TENM3: variants seen among roughly 807,000 people sequenced by gnomAD.
The protein encoded by TENM3 is teneurin transmembrane protein 3, also known as teneurin-3.
Under a neutral mutation model 255.1 loss-of-function variants are expected in TENM3, and 63 were observed. The ratio of observed to expected loss-of-function variants is 0.25; its 90% CI spans 0.20 to 0.30. TENM3 has a LOEUF of 0.30. Ranked by LOEUF, TENM3 falls within the 10% of genes least tolerant of loss-of-function variation. TENM3 has a pLI of 1.00. For missense variants in TENM3, 2,929 were observed against 3,461.1 expected (o/e 0.85, Z 3.86); for synonymous variants, 1,306 against 1,322.3 (o/e 0.99, Z 0.27).
chr4:181,964,148 C>T, the TENM3 span, among the ~76,000 whole-genome samples: 3 of 148,512 alleles, frequency 2.0e-5, no homozygotes, highest in Middle Eastern at 3.6e-3. Flanking sequence ...AAAAAATAGA[C>T]TGATTAGGGC....
chr4:182,739,929 G>A (rs778639288), intron 18 of TENM3, among the ~76,000 whole-genome samples: 7 of 152,082 alleles, frequency 4.6e-5, no homozygotes, highest in African/African-American at 1.4e-4. Flanking sequence ...CCAGCAACTC[G>A]GGAGGCTGAG....
At chr4:182,741,479 T>C (rs568670484) in intron 18 of TENM3, among the ~76,000 whole-genome samples, 1 of 152,332 alleles carries the variant, frequency 6.6e-6, no homozygotes, top group African/African-American at 2.4e-5. Context: ...TCTGTCATCA[T>C]AGAGAAGAAG....
the TENM3 span, among the ~76,000 whole-genome samples, chr4:182,094,953 A>AG: frequency 4.2e-5 from 6 of 142,208 alleles, no homozygotes; most frequent in South Asian, 6.6e-4. Flanking sequence ...AAAAAAAAAA[A>AG]AAAGGAAATT....
the TENM3 span, among the ~76,000 whole-genome samples, chr4:182,065,367 A>T: frequency 6.6e-6 from 1 of 152,208 alleles, no homozygotes; most frequent in Non-Finnish European, 1.5e-5. Context: ...AAGAGGTTTA[A>T]TTGGATCACC....
intron 3 of TENM3, among the ~76,000 whole-genome samples, chr4:182,520,240 A>G (rs776281381): frequency 2.6e-5 from 4 of 152,218 alleles, no homozygotes; most frequent in Non-Finnish European, 4.4e-5. Flanking sequence ...GAGCAAGGTC[A>G]TAAGATACAA....
chr4:182,224,737 CTTTT>C (rs112818920), intron 1 of TENM3, among the ~76,000 whole-genome samples: 2 of 137,478 alleles, frequency 1.5e-5, no homozygotes, highest in Admixed American at 7.4e-5. Context: ...AGTCAGATAT[CTTTT>C]TTTTTTTTTT....
chr4:182,087,345 A>C, the TENM3 span, among the ~76,000 whole-genome samples: 1 of 152,208 alleles, frequency 6.6e-6, no homozygotes. Context: ...TTTAAAACTG[A>C]AATAATAAAC....
the TENM3 span, among the ~76,000 whole-genome samples, chr4:182,100,624 C>CACATATATAT: frequency 1.9e-5 from 1 of 52,980 alleles, no homozygotes; most frequent in African/African-American, 5.5e-5. Context: ...TATATATACA[C>CACATATATAT]ACACATATAT....
chr4:181,874,969 T>C, the TENM3 span, among the ~76,000 whole-genome samples: 5 of 152,364 alleles, frequency 3.3e-5, no homozygotes, highest in South Asian at 2.1e-4. Context: ...TTATTGTATA[T>C]ATCGTGTCCA....
chr4:182,735,355 C>T (rs764222424), intron 16 of TENM3, among the ~76,000 whole-genome samples: 2 of 152,152 alleles, frequency 1.3e-5, no homozygotes, highest in East Asian at 1.9e-4. Context: ...AAGCTTCCTT[C>T]GTCCATTCAT....
chr4:182,701,500 G>A (rs1478268567), intron 12 of TENM3, among the ~76,000 whole-genome samples: 1 of 151,914 alleles, frequency 6.6e-6, no homozygotes, highest in Non-Finnish European at 1.5e-5. Context: ...GATTACAGGC[G>A]TGAGCCACTG....
chr4:181,788,827 G>A, the TENM3 span, among the ~76,000 whole-genome samples: 18 of 152,226 alleles, frequency 1.2e-4, no homozygotes, highest in Middle Eastern at 0.01. Context: ...CAAGCTGTTG[G>A]CCTCAAGCAA....
chr4:181,706,341 G>A, the TENM3 span, among the ~76,000 whole-genome samples: 61 of 152,244 alleles, frequency 4.0e-4, 1 homozygote, highest in Non-Finnish European at 1.0e-4. Context: ...ATCCAGGGGC[G>A]GTGGGTGCTA....
Position 182,524,352 on chromosome 4 carries a change from CTTTTTTTT to C in TENM3, c.512-76552_512-76545del, listed in dbSNP as rs138783384. ...GTTAATATACCTCCACACTGATGAG[CTTTTTTTT>C]TTTTTTTTTTTTTTTTTTTGAGTCA... is the stretch of plus-strand genomic sequence containing the variant. On this transcript the variant is annotated intron_variant, in intron 3 of 27. Transcript: ENST00000511685. Among the ~76,000 whole-genome samples the C allele has an allele frequency of 1.0e-4, 6 of 59,472 alleles. No homozygotes were observed. The East Asian group carries it at 2.6e-3, about 26-fold the overall frequency. 39.0% of individuals were successfully genotyped at this position (59,472 alleles called of 152,430 possible).
chr4:182,128,347 T>G, the TENM3 span, among the ~76,000 whole-genome samples: 1 of 152,072 alleles, frequency 6.6e-6, no homozygotes, highest in Non-Finnish European at 1.5e-5. Context: ...TCTTTTCTTA[T>G]TTTTTACTTT....
chr4:182,549,711 ATTC>A (rs1741818225), intron 3 of TENM3, among the ~76,000 whole-genome samples: 1 of 152,166 alleles, frequency 6.6e-6, no homozygotes, highest in Admixed American at 6.5e-5. Context: ...AATATCATGC[ATTC>A]TTCTTTAGAA....
chr4:182,227,344 G>T (rs545727905), intron 1 of TENM3, among the ~76,000 whole-genome samples: 10 of 152,148 alleles, frequency 6.6e-5, no homozygotes, highest in African/African-American at 2.4e-4. Flanking sequence ...TAGCCATAGG[G>T]TCCCTGTGAC....
At chr4:181,569,023 T>C in the TENM3 span, among the ~76,000 whole-genome samples, 4 of 152,130 alleles carry the variant, frequency 2.6e-5, no homozygotes, top group Non-Finnish European at 5.9e-5. Context: ...TGCAGAGTAA[T>C]AGCAAGGAGA....
chr4:181,525,655 T>C, the TENM3 span, among the ~76,000 whole-genome samples: 11 of 152,306 alleles, frequency 7.2e-5, no homozygotes, highest in East Asian at 2.1e-3. Context: ...TGTTTTTTTG[T>C]TTTTGTATAA....
Sources: allele counts gnomAD v4.1 joint callset (sites outside exome capture counted in the v4.1 genomes callset), GRCh38; gene constraint gnomAD v4.1.1; transcripts MANE v1.5; gene names NCBI Gene and HGNC (gene_info 2026-07-23, HGNC 2026-07-21).